Variants in TTLL3 observed in about 807,000 individuals in gnomAD.
TTLL3 encodes the protein tubulin tyrosine ligase like 3, also known as tubulin monoglycylase TTLL3.
TTLL3 carries 63 observed loss-of-function variants against 75.2 expected under a neutral mutation model. The ratio of observed to expected loss-of-function variants is 0.84; its 90% CI spans 0.68 to 1.03. The LOEUF is 1.03. TTLL3 is among the 50% of genes least tolerant of loss of function. TTLL3 has a pLI of 0.00. For missense variants in TTLL3, 997 were observed against 1,069.9 expected (o/e 0.93, Z 0.95); for synonymous variants, 393 against 418.5 (o/e 0.94, Z 0.74).
rs758922800 is a variant in TTLL3, at chr3:9,829,153, A to C, written c.1441A>C (p.Thr481Pro). Residue 481 changes from threonine to proline, a missense_variant, in exon 11 of 14, where the codon ACC becomes CCC. Physicochemically the swap from Thr to Pro is conservative, Grantham distance 38 (BLOSUM62 -1). Coordinates refer to ENST00000685419, the MANE Select transcript of TTLL3 (RefSeq NM_001387446.1). Reference protein sequence around the residue: ...MKDAVIHALQTSQDTVQCRKA... With the variant: ...MKDAVIHALQPSQDTVQCRKA... ...GGATGCTGTGATCCACGCACTTCAG[A>C]CCTCCCAGGACACCGTGCAGTGTCG... 2.1e-5 allele frequency: 34 copies of C among 1,613,918 alleles called. No homozygotes were observed. Among genetic ancestry groups the C allele is most frequent in the Middle Eastern group, 1.6e-4 (1 of 6,084 alleles).
chr3:9,833,939 C>G (rs1018731915), intron 12 of TTLL3: 3 of 169,168 alleles, frequency 1.8e-5, no homozygotes, highest in Non-Finnish European at 3.9e-5. Context: ...GGTGAAACCC[C>G]ATCTGTACTA....
chr3:9,816,044 CTG>C lies in TTLL3; in HGVS notation c.316-26_316-25del, dbSNP rs35641229. 1.9e-4 allele frequency: 257 copies of C among 1,341,086 alleles called. 1 individual carries two copies. In the African/African-American group the frequency reaches 3.5e-3, roughly 18 times the overall value. The allele number at this position is 1,341,086 out of a possible 1,614,324, so 83.1% of individuals were successfully genotyped here. The stretch of plus-strand genomic sequence containing the variant: ...TAGGCCCTGCTACCCACACTGGCCT[CTG>C]TGTTTCTGTCTCCTCCTGTCTCCCC... On this transcript the variant is annotated intron_variant, in intron 4 of 13. Coordinates refer to ENST00000685419, the MANE Select transcript of TTLL3 (RefSeq NM_001387446.1).
chr3:9,829,324 C>G lies in TTLL3; in HGVS notation c.1612C>G (p.Leu538Val). 3 of 1,613,296 alleles carry G rather than the reference C, an allele frequency of 1.9e-6. No homozygotes were observed. The highest frequency in any genetic ancestry group is 2.5e-6 in the Non-Finnish European group (3 of 1,179,510). Residue 538 changes from leucine (L) to valine (V), a missense_variant, in exon 11 of 14, where the codon CTG (leucine) becomes GTG (valine). Physicochemically the swap from Leu to Val is conservative, Grantham distance 32. Coordinates refer to ENST00000685419, the MANE Select transcript of TTLL3 (RefSeq NM_001387446.1). ...RLCAGVQADTLRVVIDRMLDR... is the reference protein window; with the variant it reads ...RLCAGVQADTVRVVIDRMLDR... ...CTGTGCTGGCGTGCAAGCTGACACC[C>G]TGCGCGTGGTCATTGACCGGATGCT...
In TTLL3 at chr3:9,835,130, G is replaced by C; in HGVS notation, c.2089G>C (p.Glu697Gln). Reference sequence around the variant, plus strand: ...CCTGTGCCTCCGAGGCCCCCAGCTGGAAGTGCCTTGTTGCCTCTGCCCTTT... The same window carrying C: ...CCTGTGCCTCCGAGGCCCCCAGCTGCAAGTGCCTTGTTGCCTCTGCCCTTT... Reference protein sequence around the residue: ...ALLCLRGPQLEVPCCLCPLKS... With the variant: ...ALLCLRGPQLQVPCCLCPLKS... Residue 697 changes from glutamate to glutamine, a missense_variant, in exon 14 of 14, where the codon GAA (glutamate) becomes CAA (glutamine). Transcript: ENST00000685419. 6.2e-7 allele frequency: 1 copy of C among 1,613,292 alleles called. No homozygotes were observed. Among genetic ancestry groups the C allele is most frequent in the Non-Finnish European group, 8.5e-7 (1 of 1,179,458 alleles).
At chr3:9,813,725 C>T (rs1186474835) in intron 4 of TTLL3, among the ~76,000 whole-genome samples, 1 of 152,082 alleles carries the variant, frequency 6.6e-6, no homozygotes, top group Non-Finnish European at 1.5e-5. Flanking sequence ...TTACAGGCTG[C>T]AGTGAGCTAT....
chr3:9,834,237 A>G (rs538078406), intron 12 of TTLL3: 14 of 376,248 alleles, frequency 3.7e-5, no homozygotes, highest in African/African-American at 2.5e-4. Context: ...ACTTAAGCCC[A>G]GGTTGCTCTC....
Position 9,827,121 on chromosome 3 carries a change from C to T in TTLL3, c.1128C>T (p.Thr376=), listed in dbSNP as rs1575402365. 7 of 1,614,224 alleles carry T rather than the reference C, an allele frequency of 4.3e-6. No individual in the cohort carries two copies. The highest frequency in any genetic ancestry group is 5.9e-6 in the Non-Finnish European group (7 of 1,180,044). The part of the protein sequence containing the change: ...YIERPLLIFG[T]KFDLRQWFLV... Reference sequence around the variant, plus strand: ...AGCGGCCCCTCCTCATCTTTGGCACCAAGTTTGACCTCAGACAGTGGTTCC... The same window carrying T: ...AGCGGCCCCTCCTCATCTTTGGCACTAAGTTTGACCTCAGACAGTGGTTCC... The change falls in exon 10 of 14, where the codon ACC becomes ACT. Residue 376 remains threonine, a synonymous_variant. Coordinates refer to ENST00000685419, the MANE Select transcript of TTLL3 (RefSeq NM_001387446.1).
chr3:9,815,471 A>G (rs1034998578), intron 4 of TTLL3, among the ~76,000 whole-genome samples: 3 of 152,212 alleles, frequency 2.0e-5, no homozygotes, highest in Admixed American at 2.0e-4. Flanking sequence ...GGTTATTAAT[A>G]ATTACCCCAC....
chr3:9,819,024 G>C (rs2080162370), intron 7 of TTLL3, 104 bp downstream of exon 7: 4 of 1,446,290 alleles, frequency 2.8e-6, no homozygotes, highest in Non-Finnish European at 3.8e-6. Context: ...CGCACCTACT[G>C]GTTCATCCAC....
intron 13 of TTLL3, 46 bp from the exon 14 acceptor site, chr3:9,835,046 CCA>C (rs750057386): frequency 1.1e-5 from 17 of 1,587,766 alleles, no homozygotes; most frequent in Admixed American, 1.7e-5. Context: ...GCCCCTTCCT[CCA>C]CAGACTTCTG....
At chr3:9,819,017 A>ACC in intron 7 of TTLL3, 97 bp downstream of exon 7, 1 of 1,496,858 alleles carries the variant, frequency 6.7e-7, no homozygotes, top group African/African-American at 1.4e-5. Flanking sequence ...TCATCCACGC[A>ACC]CCTACTGGTT....
intron 12 of TTLL3, among the ~76,000 whole-genome samples, chr3:9,833,840 T>G (rs2081819017): frequency 1.3e-5 from 2 of 151,546 alleles, no homozygotes; most frequent in Admixed American, 6.6e-5. Flanking sequence ...GATGCTGTCT[T>G]AAAAACAAAG....
chr3:9,818,590 G>A (rs147069178), intron 6 of TTLL3: 186,673 of 1,212,882 alleles, frequency 0.15, 15,334 homozygotes, highest in African/African-American at 0.21. Flanking sequence ...GGATGGTCTC[G>A]ATCTCCTGAC....
At chr3:9,822,728 TTATGTATTA>T (rs1279540050) in intron 8 of TTLL3, among the ~76,000 whole-genome samples, 1 of 115,070 alleles carries the variant, frequency 8.7e-6, no homozygotes, top group Non-Finnish European at 1.8e-5. Context: ...TATGTATATA[TTATGTATTA>T]TATATATTAT....
chr3:9,810,040 G>A (rs535192824), upstream of TTLL3: 109 of 1,217,234 alleles, frequency 9.0e-5, no homozygotes, highest in East Asian at 2.7e-3. The surrounding 1 kb of genome is among the most constrained non-coding windows in gnomAD (Gnocchi z 4.4). Flanking sequence ...GCTCCTGAGC[G>A]CGAGGGAGCT....
chr3:9,821,429 C>A (rs2080398608), intron 8 of TTLL3, among the ~76,000 whole-genome samples: 1 of 152,178 alleles, frequency 6.6e-6, no homozygotes, highest in African/African-American at 2.4e-5. Flanking sequence ...TGAAGCGTAG[C>A]CCCTGTTCTC....
rs2080353751 is a variant in TTLL3, at chr3:9,820,936, A to G, written c.854+195A>G. The G allele has an allele frequency of 8.3e-6, 7 of 844,418 alleles. No homozygotes were observed. In the Admixed American group the frequency reaches 1.5e-4, roughly 18 times the overall value. The allele number at this position is 844,418 out of a possible 1,614,324, so 52.3% of individuals were successfully genotyped here. On this transcript the variant is annotated intron_variant, in intron 8 of 13. Coordinates refer to ENST00000685419, the MANE Select transcript of TTLL3 (RefSeq NM_001387446.1). ...CTTTTCTTGGTTCTTGGCATAGCATAGTCACTAAGAGCATGGACTGTGCCA... is the reference window on the plus strand; with the variant it reads ...CTTTTCTTGGTTCTTGGCATAGCATGGTCACTAAGAGCATGGACTGTGCCA...
intron 11 of TTLL3, among the ~76,000 whole-genome samples, chr3:9,832,382 C>T (rs548356679): frequency 2.6e-4 from 39 of 152,130 alleles, no homozygotes; most frequent in Non-Finnish European, 4.0e-4. Flanking sequence ...CCACCATGCC[C>T]GGCCAATAGC....
At chr3:9,822,000 C>CT (rs1467190628) in intron 8 of TTLL3, among the ~76,000 whole-genome samples, 1 of 123,272 alleles carries the variant, frequency 8.1e-6, no homozygotes, top group African/African-American at 3.0e-5. Flanking sequence ...GAGACTCCGT[C>CT]TCAAAAAAAA....
Sources: allele counts gnomAD v4.1 joint callset (sites outside exome capture counted in the v4.1 genomes callset), GRCh38; gene constraint gnomAD v4.1.1; non-coding constraint Gnocchi (gnomAD v3.1); transcripts MANE v1.5; gene names NCBI Gene and HGNC (gene_info 2026-07-23, HGNC 2026-07-21).